Variants in RIOK2 observed in about 807,000 individuals in gnomAD.
RIOK2 encodes RIO kinase 2, also known as serine/threonine-protein kinase RIO2.
A neutral mutation model predicts 62.4 loss-of-function variants in RIOK2; 46 were observed. That is an observed-to-expected ratio of 0.74 (90% confidence interval 0.58 to 0.94). The LOEUF is 0.94. Among genes scored for constraint, RIOK2 ranks in the 40% least tolerant of loss-of-function variants. The pLI is 0.00. For missense variants in RIOK2, 574 were observed against 658.0 expected (o/e 0.87, Z 1.40); for synonymous variants, 197 against 216.0 (o/e 0.91, Z 0.77).
At chr5:97,170,773 C>A (rs1219383707) in intron 6 of RIOK2, among the ~76,000 whole-genome samples, 1 of 152,086 alleles carries the variant, frequency 6.6e-6, no homozygotes, top group African/African-American at 2.4e-5. Context: ...AAACCAGTGA[C>A]TGACCTAAAT....
At chr5:97,165,762 G>T (rs985442490) in intron 8 of RIOK2, among the ~76,000 whole-genome samples, 7 of 152,094 alleles carry the variant, frequency 4.6e-5, no homozygotes, top group Non-Finnish European at 8.8e-5. Context: ...CAAAATTATT[G>T]TTCCCATTCT....
chr5:97,166,234 C>T, intron 8 of RIOK2: 1 of 445,544 alleles, frequency 2.2e-6, no homozygotes, highest in Middle Eastern at 3.3e-4. Flanking sequence ...TATTCTGTTT[C>T]TTTGAAGAAT....
At chr5:97,178,016 C>T (rs1332552033) in intron 2 of RIOK2, among the ~76,000 whole-genome samples, 168 bp from the exon 3 acceptor site, 1 of 152,172 alleles carries the variant, frequency 6.6e-6, no homozygotes, top group African/African-American at 2.4e-5. Flanking sequence ...ATTTCTTCTC[C>T]AGTGTACTGA....
rs1580261661 is a variant in RIOK2, at chr5:97,160,958, C to G, written c.*2103G>C. The stretch of plus-strand genomic sequence containing the variant: ...TCTTTCAGTCTGGATAAATACACAA[C>G]AAAGGATCATAGCTGAAATACCAGT... On this transcript the variant is annotated 3_prime_UTR_variant, in exon 10 of 10. Transcript: ENST00000283109. The G allele has an allele frequency of 1.3e-5, 2 of 152,282 alleles. No homozygotes were observed. The highest frequency in any genetic ancestry group is 3.9e-4 in the East Asian group (2 of 5,190). The allele number at this position is 152,282 out of a possible 1,614,324, so 9.4% of individuals were successfully genotyped here.
intron 1 of RIOK2, among the ~76,000 whole-genome samples, chr5:97,182,627 G>C (rs2112852274): frequency 6.6e-6 from 1 of 152,122 alleles, no homozygotes; most frequent in Admixed American, 6.5e-5. Flanking sequence ...TTTACTTGAT[G>C]ATCTGTGTCT....
At position 97,180,140 on chromosome 5, in the gene RIOK2, A is replaced by ATG. The variant is rs1315548545; in HGVS notation, c.67-949_67-948dup. Among the ~76,000 whole-genome samples, 5 of 79,352 alleles carry ATG rather than the reference A, an allele frequency of 6.3e-5. 1 individual carries two copies. The highest frequency in any genetic ancestry group is 1.6e-4 in the African/African-American group (3 of 18,704). The allele number at this position is 79,352 out of a possible 152,430, so 52.1% of individuals were successfully genotyped here. On this transcript the variant is annotated intron_variant, in intron 1 of 9. Transcript: ENST00000283109. ...CATGTGTATATGTATATATATATAT[A>ATG]TGTATATATATATATATATATGTGC... is the stretch of plus-strand genomic sequence containing the variant.
At chr5:97,168,502 A>G (rs1405152279) in intron 7 of RIOK2, among the ~76,000 whole-genome samples, 2 of 152,224 alleles carry the variant, frequency 1.3e-5, no homozygotes, top group Non-Finnish European at 2.9e-5. Context: ...AATAGCATCC[A>G]AAATAGAATA....
chr5:97,163,284 C>G, intron 9 of RIOK2, 59 bp from the exon 10 acceptor site: 1 of 1,353,700 alleles, frequency 7.4e-7, no homozygotes, highest in South Asian at 1.2e-5. Flanking sequence ...AAGTACACTG[C>G]TAATATCTGT....
At chr5:97,182,941 A>G in intron 1 of RIOK2, 185 bp downstream of exon 1, 1 of 709,026 alleles carries the variant, frequency 1.4e-6, no homozygotes, top group Middle Eastern at 2.4e-4. Flanking sequence ...ATCTGGGGGA[A>G]GGTAAGCTCC....
At chr5:97,177,411 G>A in intron 3 of RIOK2, 120 bp from the exon 4 acceptor site, 2 of 961,804 alleles carry the variant, frequency 2.1e-6, no homozygotes, top group Non-Finnish European at 3.0e-6. Flanking sequence ...TAAAGATTGA[G>A]TATCCCTCCT....
At chr5:97,164,696 C>T (rs316215) in intron 9 of RIOK2, among the ~76,000 whole-genome samples, 50,412 of 151,956 alleles carry the variant, frequency 0.33, 9,771 homozygotes, top group East Asian at 0.42. Context: ...ATCAAGTGAC[C>T]TACATTAATT....
Position 97,171,311 on chromosome 5 carries a change from A to T in RIOK2, c.674T>A (p.Ile225Asn). The part of the protein sequence containing the change: ...LIVKLANHGL[I>N]HGDFNEFNLI... ...ATTAAATTCATTAAAATCTCCATGA[A>T]TCAGCCCATGATTTGCAAGTTTGAC... The change falls in exon 6 of 10, where the codon ATT becomes AAT. Residue 225 changes from isoleucine to asparagine, a missense_variant. By Grantham distance (149) the Ile-to-Asn change is moderately radical. Coordinates refer to ENST00000283109, the MANE Select transcript of RIOK2 (RefSeq NM_018343.3). The T allele has an allele frequency of 6.2e-7, 1 of 1,609,834 alleles. No individual in the cohort carries two copies. Among genetic ancestry groups the T allele is most frequent in the East Asian group, 2.2e-5 (1 of 44,696 alleles).
chr5:97,166,411 G>C, intron 8 of RIOK2: 1 of 401,186 alleles, frequency 2.5e-6, no homozygotes, highest in South Asian at 1.9e-5. Context: ...TTTTGCTTCA[G>C]GAATAAAACT....
Position 97,168,031 on chromosome 5 carries a change from A to G in RIOK2, c.873-40T>C, listed in dbSNP as rs746038483. ...CGTCAAGCATAGAAAGAGAGAAAAA[A>G]TGTTTATCTAAGAGGAGCAAATATC... is the stretch of plus-strand genomic sequence containing the variant. On this transcript the variant is annotated intron_variant, in intron 7 of 9. Transcript: ENST00000283109. The G allele has an allele frequency of 1.4e-5, 22 of 1,526,416 alleles. No individual in the cohort carries two copies. The Admixed American group carries it at 4.6e-4, about 32-fold the overall frequency. The allele number at this position is 1,526,416 out of a possible 1,614,324, so 94.6% of individuals were successfully genotyped here. A position where few individuals can be genotyped will look rare whatever the true frequency, so the allele number is the denominator to read the frequency against.
chr5:97,166,641 C>CA (rs1226552412), intron 8 of RIOK2: 221 of 535,690 alleles, frequency 4.1e-4, no homozygotes, highest in Middle Eastern at 1.8e-3. Context: ...TTAATATTTA[C>CA]AAAAAAAAAT....
rs1254831870 is a variant in RIOK2, at chr5:97,162,046, T to C, written c.*1015A>G. On this transcript the variant is annotated 3_prime_UTR_variant, in exon 10 of 10. Transcript: ENST00000283109. ...GGCAAAGGTGAAAGGGAATCTGCTG[T>C]CTTTATCAATCTTGGAAAAGTCTGT... 6.6e-6 allele frequency: 1 copy of C among 152,204 alleles called. No individual in the cohort carries two copies. The highest frequency in any genetic ancestry group is 1.5e-5 in the Non-Finnish European group (1 of 68,034). The allele number at this position is 152,204 out of a possible 1,614,324, so 9.4% of individuals were successfully genotyped here. A position where few individuals can be genotyped will look rare whatever the true frequency, so the allele number is the denominator to read the frequency against.
chr5:97,173,816 A>G (rs1749083712), intron 4 of RIOK2, among the ~76,000 whole-genome samples: 1 of 152,116 alleles, frequency 6.6e-6, no homozygotes, highest in African/African-American at 2.4e-5. Flanking sequence ...AAAAATATAC[A>G]CTGTTGTAGT....
At chr5:97,166,446 T>C in intron 8 of RIOK2, 1 of 340,046 alleles carries the variant, frequency 2.9e-6, no homozygotes, top group African/African-American at 2.2e-5. Context: ...AGGCTTAAGA[T>C]ATAAGCCCAA....
rs748411339 is a variant in RIOK2 at position 97,177,236 on chromosome 5, T to A, written c.378A>T (p.Arg126Ser). 1 of 1,613,618 alleles carries A rather than the reference T, an allele frequency of 6.2e-7. No homozygotes were observed. Among genetic ancestry groups the A allele is most frequent in the Non-Finnish European group, 8.5e-7 (1 of 1,179,820 alleles). ...AATTTCGAAACGAGGTTCTTCCTAG[T>A]CTGTGAAGCTTTAATGCAAATTGTT... ...EGQQFALKLHRLGRTSFRNLK... is the reference protein window; with the variant it reads ...EGQQFALKLHSLGRTSFRNLK... The change falls in exon 4 of 10, where the codon AGA (arginine) becomes AGT (serine). Residue 126 changes from arginine (R) to serine (S), a missense_variant. Coordinates refer to ENST00000283109, the MANE Select transcript of RIOK2 (RefSeq NM_018343.3).
Sources: allele counts gnomAD v4.1 joint callset (sites outside exome capture counted in the v4.1 genomes callset), GRCh38; gene constraint gnomAD v4.1.1; transcripts MANE v1.5; gene names NCBI Gene and HGNC (gene_info 2026-07-23, HGNC 2026-07-21).